The following AGK variants were observed in gnomAD, a reference collection of about 807,000 sequenced individuals.
AGK encodes acylglycerol kinase, mitochondrial.
AGK carries 52 observed loss-of-function variants against 66.4 expected under a neutral mutation model. That is an observed-to-expected ratio of 0.78 (90% CI 0.63 to 0.99). AGK has a LOEUF of 0.99. Among genes scored for constraint, AGK ranks in the 50% least tolerant of loss-of-function variants. The probability of loss-of-function intolerance (pLI) is 0.00; values close to 1 mark genes in which losing one functional copy is unlikely to be tolerated. For synonymous variants in AGK, 182 were observed against 181.1 expected (o/e 1.00, Z -0.04); for missense variants, 451 against 506.6 (o/e 0.89, Z 1.05).
intron 11 of AGK, among the ~76,000 whole-genome samples, chr7:141,637,975 T>A (rs1188663540): frequency 1.3e-5 from 2 of 152,214 alleles, no homozygotes; most frequent in African/African-American, 4.8e-5. Flanking sequence ...GTAAAATCGG[T>A]TATTCCTCGA....
At chr7:141,604,380 A>G (rs866094963) in intron 5 of AGK, among the ~76,000 whole-genome samples, 2,436 of 136,978 alleles carry the variant, frequency 0.018, 57 homozygotes, top group South Asian at 0.13. Context: ...GTGTGTATAT[A>G]TATATATATA....
chr7:141,598,617 C>T lies in AGK; in HGVS notation c.221+1976C>T, dbSNP rs1232985421. Among the ~76,000 whole-genome samples the T allele has an allele frequency of 6.6e-6, 1 of 152,156 alleles. No homozygotes were observed. The highest frequency in any genetic ancestry group is 2.4e-5 in the African/African-American group (1 of 41,438). The stretch of plus-strand genomic sequence containing the variant: ...AGATAATGCTTATTAGGCACTATTT[C>T]CATTTCATAATAAGCACACAATGTA... On this transcript the variant is annotated intron_variant, in intron 4 of 15. Coordinates refer to ENST00000649286, the MANE Select transcript of AGK (RefSeq NM_018238.4). The surrounding 1 kb of genome is among the most constrained non-coding windows in gnomAD (Gnocchi z 4.2).
chr7:141,573,667 TC>T (rs1372054047), intron 2 of AGK, among the ~76,000 whole-genome samples: 2 of 152,176 alleles, frequency 1.3e-5, no homozygotes, highest in African/African-American at 4.8e-5. Context: ...TCCAGATCTG[TC>T]ACGTATTCTG....
chr7:141,612,696 C>T (rs1422144411), intron 6 of AGK, among the ~76,000 whole-genome samples: 7 of 152,152 alleles, frequency 4.6e-5, no homozygotes, highest in Non-Finnish European at 1.5e-5. Flanking sequence ...CCTAAAACTA[C>T]TTTTAAAACA....
chr7:141,586,285 C>T (rs774634149), intron 2 of AGK, among the ~76,000 whole-genome samples: 1 of 152,150 alleles, frequency 6.6e-6, no homozygotes, highest in South Asian at 2.1e-4. Flanking sequence ...CTGTACTACA[C>T]CATAATGACT....
At chr7:141,611,121 A>G (rs2116954850) in intron 5 of AGK, 74 bp from the exon 6 acceptor site, 2 of 879,050 alleles carry the variant, frequency 2.3e-6, no homozygotes, top group South Asian at 1.7e-5. Flanking sequence ...TAAAGAAGAT[A>G]TCCCACATTT....
intron 1 of AGK, among the ~76,000 whole-genome samples, chr7:141,552,081 A>T (rs2116836884): frequency 6.6e-6 from 1 of 152,312 alleles, no homozygotes; most frequent in East Asian, 1.9e-4. Context: ...CAGTCAATGG[A>T]CCACCAACTG....
At chr7:141,626,359 T>C (rs1036388258) in intron 9 of AGK, among the ~76,000 whole-genome samples, 5 of 152,182 alleles carry the variant, frequency 3.3e-5, no homozygotes, top group African/African-American at 1.2e-4. Flanking sequence ...TTAAATCACC[T>C]GCGTAATAAT....
intron 5 of AGK, among the ~76,000 whole-genome samples, chr7:141,607,465 A>G (rs1424320426): frequency 1.3e-5 from 2 of 152,206 alleles, no homozygotes; most frequent in East Asian, 3.9e-4. Context: ...GTGTCTGTTC[A>G]GATCTTTGCC....
At chr7:141,551,585 G>C (rs1280126086) in intron 1 of AGK, among the ~76,000 whole-genome samples, 151 bp downstream of exon 1, 1 of 152,160 alleles carries the variant, frequency 6.6e-6, no homozygotes, top group Non-Finnish European at 1.5e-5. Context: ...CAAGCATCAG[G>C]GGTCGTGGGT....
At chr7:141,610,404 T>C (rs974968891) in intron 5 of AGK, among the ~76,000 whole-genome samples, 2 of 152,214 alleles carry the variant, frequency 1.3e-5, no homozygotes, top group Non-Finnish European at 2.9e-5. Flanking sequence ...AGTTGCATTA[T>C]GTCTATTGAA....
rs1209220421 is a variant in AGK at position 141,600,405 on chromosome 7, T to C, written c.222-800T>C. Among the ~76,000 whole-genome samples the C allele has an allele frequency of 2.0e-5, 3 of 152,224 alleles. No homozygotes were observed. The South Asian group carries it at 6.2e-4, about 31-fold the overall frequency. ...GGACAAGAGTTCACTGTCAGAATGA[T>C]ATGCATAATACTTTTGAAATATGCA... On this transcript the variant is annotated intron_variant, in intron 4 of 15. Coordinates refer to ENST00000649286, the MANE Select transcript of AGK (RefSeq NM_018238.4).
chr7:141,583,202 G>C (rs1388347797), intron 2 of AGK, among the ~76,000 whole-genome samples: 1 of 151,840 alleles, frequency 6.6e-6, no homozygotes, highest in Non-Finnish European at 1.5e-5. Flanking sequence ...AAGAAAATAA[G>C]GCATTTAGGT....
intron 11 of AGK, among the ~76,000 whole-genome samples, chr7:141,639,542 C>T (rs1459470675): frequency 1.3e-5 from 2 of 152,022 alleles, no homozygotes; most frequent in South Asian, 2.1e-4. Flanking sequence ...TTCATTGATA[C>T]AGAAGAGGAG....
At chr7:141,650,787 C>T (rs1797537302) in intron 14 of AGK, 3 of 615,978 alleles carry the variant, frequency 4.9e-6, no homozygotes, top group Non-Finnish European at 6.1e-6. Context: ...GTTCCAGGAC[C>T]TCCCTCAGAT....
At chr7:141,623,129 C>T (rs1168919937) in intron 9 of AGK, among the ~76,000 whole-genome samples, 1 of 151,998 alleles carries the variant, frequency 6.6e-6, no homozygotes, top group Non-Finnish European at 1.5e-5. Flanking sequence ...CCTGTAATCC[C>T]AGCAGTTTGG....
chr7:141,560,644 T>C (rs1795321094), intron 2 of AGK, among the ~76,000 whole-genome samples: 1 of 151,998 alleles, frequency 6.6e-6, no homozygotes, highest in Non-Finnish European at 1.5e-5. Flanking sequence ...GTCCCCAAAG[T>C]CCCTTATATC....
intron 15 of AGK, 107 bp downstream of exon 15, chr7:141,651,716 C>T: frequency 1.9e-6 from 2 of 1,063,312 alleles, no homozygotes; most frequent in Non-Finnish European, 2.9e-6. Flanking sequence ...TAGACTTAGG[C>T]ACATATTGTG....
intron 3 of AGK, 176 bp downstream of exon 3, chr7:141,593,361 A>G: frequency 1.4e-6 from 1 of 714,488 alleles, no homozygotes; most frequent in Non-Finnish European, 2.5e-6. Flanking sequence ...CAGGAAGTTA[A>G]CCATCTGGTG....
Sources: allele counts gnomAD v4.1 joint callset (sites outside exome capture counted in the v4.1 genomes callset), GRCh38; gene constraint gnomAD v4.1.1; non-coding constraint Gnocchi (gnomAD v3.1); transcripts MANE v1.5; gene names NCBI Gene and HGNC (gene_info 2026-07-23, HGNC 2026-07-21).